The following OSBP2 variants were observed in gnomAD, a reference collection of about 807,000 sequenced individuals.
The protein encoded by OSBP2 is oxysterol binding protein 2, also known as oxysterol-binding protein 2.
In OSBP2, 66 loss-of-function variants were observed where a neutral mutation model predicts 96.0. The observed-to-expected ratio is 0.69, with a 90% CI of 0.56 to 0.84. The LOEUF is 0.84. Ranked by LOEUF, OSBP2 falls within the 40% of genes least tolerant of loss-of-function variation. OSBP2 has a pLI of 0.00. For missense variants in OSBP2, 1,038 were observed against 1,222.7 expected (o/e 0.85, Z 2.25); for synonymous variants, 525 against 520.9 (o/e 1.01, Z -0.11).
intron 2 of OSBP2, among the ~76,000 whole-genome samples, chr22:30,849,421 T>C (rs1237586691): frequency 2.0e-5 from 3 of 152,226 alleles, no homozygotes; most frequent in Non-Finnish European, 4.4e-5. Flanking sequence ...TGTTGGTCTT[T>C]TTAAGTTCAC....
At chr22:30,889,263 A>C (rs758332572) in intron 6 of OSBP2, 29 bp downstream of exon 6, 1 of 1,603,982 alleles carries the variant, frequency 6.2e-7, no homozygotes, top group East Asian at 2.2e-5. Context: ...TGTAAGGGCC[A>C]GAAGGCAGCT....
chr22:30,840,585 A>G lies in OSBP2; in HGVS notation c.854-29844A>G, dbSNP rs563451702. Among the ~76,000 whole-genome samples the G allele has an allele frequency of 1.2e-3, 184 of 152,328 alleles. 4 individuals are homozygous for G. The highest frequency in any genetic ancestry group is 0.012 in the Admixed American group (184 of 15,304). ...CCCTTACCAGATGTGTACATGTAAC[A>G]TAGCCTCTCCAAACCTATGTCTTAT... On this transcript the variant is annotated intron_variant, in intron 2 of 13. Coordinates refer to ENST00000332585, the MANE Select transcript of OSBP2 (RefSeq NM_030758.4).
At chr22:30,829,896 G>C (rs765537446) in intron 2 of OSBP2, among the ~76,000 whole-genome samples, 1 of 152,188 alleles carries the variant, frequency 6.6e-6, no homozygotes, top group Non-Finnish European at 1.5e-5. Context: ...CTGCTTAGGT[G>C]CCAGGCTAAG....
At chr22:30,760,393 A>G (rs1335002400) in intron 2 of OSBP2, among the ~76,000 whole-genome samples, 1 of 152,230 alleles carries the variant, frequency 6.6e-6, no homozygotes. Context: ...AGATGAAAAC[A>G]TCTTCAACAA....
At chr22:30,791,983 C>T (rs2090682107) in intron 2 of OSBP2, among the ~76,000 whole-genome samples, 1 of 151,920 alleles carries the variant, frequency 6.6e-6, no homozygotes, top group Admixed American at 6.6e-5. Context: ...ATAATCAAAA[C>T]AGGAAAAAAC....
chr22:30,736,593 G>A (rs2089859380), intron 1 of OSBP2, among the ~76,000 whole-genome samples: 1 of 152,162 alleles, frequency 6.6e-6, no homozygotes, highest in Non-Finnish European at 1.5e-5. Flanking sequence ...AAATAACTTA[G>A]ATTTACAGAA....
intron 2 of OSBP2, among the ~76,000 whole-genome samples, chr22:30,837,285 A>C (rs907489399): frequency 2.0e-5 from 3 of 151,768 alleles, no homozygotes; most frequent in Non-Finnish European, 1.5e-5. Context: ...AAAAGAAAGA[A>C]AGTTTGCCCA....
rs369146536 is a variant in OSBP2, at chr22:30,741,189, C to T, written c.673C>T (p.Arg225Cys). 11 of 1,613,978 alleles carry T rather than the reference C, an allele frequency of 6.8e-6. No individual in the cohort carries two copies. The highest frequency in any genetic ancestry group is 1.1e-5 in the South Asian group (1 of 91,086). Residue 225 changes from arginine (R) to cysteine (C), a missense_variant, in exon 2 of 14, where the codon CGT (arginine) becomes TGT (cysteine). By Grantham distance (180) the Arg-to-Cys change is radical (BLOSUM62 -3). Coordinates refer to ENST00000332585, the MANE Select transcript of OSBP2 (RefSeq NM_030758.4). ...TCAGGGTGAAATGGCCCACACGTGC[C>T]GTGGAACCATCAACCTGTCCACCGC... ...RNQGEMAHTC[R>C]GTINLSTAHI...
intron 2 of OSBP2, among the ~76,000 whole-genome samples, chr22:30,764,817 A>G (rs2090250809): frequency 1.3e-5 from 2 of 152,178 alleles, no homozygotes; most frequent in African/African-American, 2.4e-5. Flanking sequence ...CCATCCTCCC[A>G]GCTGGCCAGA....
Position 30,906,976 on chromosome 22 carries a change from C to G in OSBP2, c.*637C>G, listed in dbSNP as rs2040348157. 6.6e-6 allele frequency: 1 copy of G among 152,602 alleles called. No homozygotes were observed. The highest frequency in any genetic ancestry group is 1.5e-5 in the Non-Finnish European group (1 of 68,134). 9.5% of individuals were successfully genotyped at this position (152,602 alleles called of 1,614,324 possible). On this transcript the variant is annotated 3_prime_UTR_variant, in exon 14 of 14. Coordinates refer to ENST00000332585, the MANE Select transcript of OSBP2 (RefSeq NM_030758.4). ...AGAGCCCAAAACAGAAGGGGGCTGC[C>G]CCAGCCCAGCAGAGCACAGAGTTTC...
chr22:30,701,173 C>T (rs997253210), intron 1 of OSBP2, among the ~76,000 whole-genome samples: 2 of 151,682 alleles, frequency 1.3e-5, no homozygotes, highest in Non-Finnish European at 2.9e-5. Context: ...GGGTCAGTGG[C>T]CAGGTAACAG....
chr22:30,849,407 G>T (rs2038934754), intron 2 of OSBP2, among the ~76,000 whole-genome samples: 1 of 152,166 alleles, frequency 6.6e-6, no homozygotes, highest in Non-Finnish European at 1.5e-5. Context: ...TGCCAACCTG[G>T]AATTGTTGGT....
intron 2 of OSBP2, among the ~76,000 whole-genome samples, chr22:30,818,961 G>A (rs2091114898): frequency 6.6e-6 from 1 of 152,196 alleles, no homozygotes; most frequent in Non-Finnish European, 1.5e-5. Flanking sequence ...GTGAACCTCA[G>A]GAAGGTTTCA....
intron 1 of OSBP2, among the ~76,000 whole-genome samples, chr22:30,705,425 C>G (rs1293329424): frequency 6.6e-6 from 1 of 152,068 alleles, no homozygotes; most frequent in Non-Finnish European, 1.5e-5. Flanking sequence ...TCTCGAGTAG[C>G]TGGAATTACA....
At chr22:30,803,426 C>T (rs1248302717) in intron 2 of OSBP2, among the ~76,000 whole-genome samples, 1 of 152,224 alleles carries the variant, frequency 6.6e-6, no homozygotes, top group African/African-American at 2.4e-5. Context: ...AAGGCATGTC[C>T]TCCTCTCCAC....
At chr22:30,900,900 T>G (rs2040179522) in intron 12 of OSBP2, among the ~76,000 whole-genome samples, 1 of 152,216 alleles carries the variant, frequency 6.6e-6, no homozygotes, top group Non-Finnish European at 1.5e-5. Flanking sequence ...ATACTTTTGT[T>G]CATTGAGAAC....
rs554801453 is a variant in OSBP2 at position 30,831,381 on chromosome 22, C to T, written c.854-39048C>T. On this transcript the variant is annotated intron_variant, in intron 2 of 13. Coordinates refer to ENST00000332585, the MANE Select transcript of OSBP2 (RefSeq NM_030758.4). ...GATGGCTCGTCAGCTGCACTGTCTC[C>T]TGCCATTGTGTGGAAAACCAACGGA... Among the ~76,000 whole-genome samples the T allele has an allele frequency of 4.0e-4, 61 of 152,282 alleles. No individual in the cohort carries two copies. The South Asian group carries it at 6.6e-3, about 17-fold the overall frequency.
chr22:30,757,669 C>T (rs1317566588), intron 2 of OSBP2, among the ~76,000 whole-genome samples: 4 of 152,080 alleles, frequency 2.6e-5, no homozygotes, highest in East Asian at 3.9e-4. Context: ...CTGCCCGCCT[C>T]GGCCTCCCAA....
chr22:30,730,824 C>T (rs1429396257), intron 1 of OSBP2, among the ~76,000 whole-genome samples: 39 of 49,824 alleles, frequency 7.8e-4, no homozygotes, highest in Non-Finnish European at 1.4e-3. Flanking sequence ...TTTTTTTTTT[C>T]CCATGGACAT....
Sources: allele counts gnomAD v4.1 joint callset (sites outside exome capture counted in the v4.1 genomes callset), GRCh38; gene constraint gnomAD v4.1.1; transcripts MANE v1.5; gene names NCBI Gene and HGNC (gene_info 2026-07-23, HGNC 2026-07-21).